PCDHGA12: variants seen among roughly 807,000 people sequenced by gnomAD.
The protein encoded by PCDHGA12 is protocadherin gamma subfamily A, 12.
A neutral mutation model predicts 61.1 loss-of-function variants in PCDHGA12; 43 were observed. That is an observed-to-expected ratio of 0.70 (90% CI 0.55 to 0.91). PCDHGA12 has a LOEUF of 0.91. Ranked by LOEUF, PCDHGA12 falls within the 40% of genes least tolerant of loss-of-function variation. The pLI, the probability that PCDHGA12 is intolerant of heterozygous loss-of-function variation, is 0.00. For missense variants in PCDHGA12, 1,236 were observed against 1,227.7 expected (o/e 1.01, Z -0.10); for synonymous variants, 520 against 542.9 (o/e 0.96, Z 0.59).
chr5:141,450,278 G>C (rs977381598), intron 1 of PCDHGA12, among the ~76,000 whole-genome samples: 1 of 152,026 alleles, frequency 6.6e-6, no homozygotes, highest in African/African-American at 2.4e-5. Flanking sequence ...TCAGCTAAGT[G>C]CTGGGATTAC....
At chr5:141,464,976 A>G (rs2154568682) in intron 1 of PCDHGA12, among the ~76,000 whole-genome samples, 1 of 152,214 alleles carries the variant, frequency 6.6e-6, no homozygotes, top group East Asian at 1.9e-4. Flanking sequence ...TACTGGCTTC[A>G]AGTGATCCTC....
At position 141,485,129 on chromosome 5, in the gene PCDHGA12, T is replaced by G. The variant is rs761201450; in HGVS notation, c.2425-9678T>G. 2.1e-6 allele frequency: 3 copies of G among 1,462,964 alleles called. No individual in the cohort carries two copies. Among genetic ancestry groups the G allele is most frequent in the Non-Finnish European group, 2.8e-6 (3 of 1,053,766 alleles). 90.6% of individuals were successfully genotyped at this position (1,462,964 alleles called of 1,614,324 possible). A position where few individuals can be genotyped will look rare whatever the true frequency, so the allele number is the denominator to read the frequency against. On this transcript the variant is annotated intron_variant, in intron 1 of 3. Coordinates refer to ENST00000252085, the MANE Select transcript of PCDHGA12 (RefSeq NM_003735.3). The surrounding 1 kb of genome is among the most constrained non-coding windows in gnomAD (Gnocchi z 5.7). ...TGTGGCTGTTTGGGGCGGGTCGGCT[T>G]CATCCGCGTCTCAGGAGCAAGTAGA...
chr5:141,490,321 G>C lies in PCDHGA12; in HGVS notation c.2425-4486G>C. On this transcript the variant is annotated intron_variant, in intron 1 of 3. Coordinates refer to ENST00000252085, the MANE Select transcript of PCDHGA12 (RefSeq NM_003735.3). The surrounding 1 kb of genome is among the most constrained non-coding windows in gnomAD (Gnocchi z 5.4). ...GGCCTCTTTGGCCAACCCTGTCCTA[G>C]AGAGCACACCAGTGGGCACAGTAGT... 1.2e-6 allele frequency: 2 copies of C among 1,614,220 alleles called. No homozygotes were observed. The highest frequency in any genetic ancestry group is 1.7e-6 in the Non-Finnish European group (2 of 1,180,044).
At chr5:141,471,942 A>G (rs1163887457) in intron 1 of PCDHGA12, among the ~76,000 whole-genome samples, 1 of 152,192 alleles carries the variant, frequency 6.6e-6, no homozygotes, top group Non-Finnish European at 1.5e-5. Flanking sequence ...AGAGTTTTCT[A>G]AAACTGGATT....
At chr5:141,478,870 G>A (rs1463992722) in intron 1 of PCDHGA12, 6 of 1,273,242 alleles carry the variant, frequency 4.7e-6, no homozygotes, top group Non-Finnish European at 5.2e-6. Flanking sequence ...AGCGATCAGA[G>A]TTTAGCTTGG....
chr5:141,472,733 C>T (rs1450872513), intron 1 of PCDHGA12, among the ~76,000 whole-genome samples: 2 of 151,996 alleles, frequency 1.3e-5, no homozygotes, highest in Non-Finnish European at 2.9e-5. Context: ...CACCTGTAAT[C>T]CCAGCACTTT....
intron 1 of PCDHGA12, among the ~76,000 whole-genome samples, chr5:141,461,415 T>C (rs2099015091): frequency 6.6e-6 from 1 of 152,152 alleles, no homozygotes; most frequent in Non-Finnish European, 1.5e-5. Flanking sequence ...TTTCATATGT[T>C]TGTGGGCCAT....
chr5:141,459,068 A>G (rs1278498678), intron 1 of PCDHGA12, among the ~76,000 whole-genome samples: 1 of 152,226 alleles, frequency 6.6e-6, no homozygotes, highest in African/African-American at 2.4e-5. Flanking sequence ...TATATAACAT[A>G]AAATTTGCCT....
chr5:141,474,169 T>C (rs1268235616), intron 1 of PCDHGA12, among the ~76,000 whole-genome samples: 2 of 152,232 alleles, frequency 1.3e-5, no homozygotes, highest in Non-Finnish European at 2.9e-5. Context: ...GGCCTTATTA[T>C]TGAGAAAACT....
At chr5:141,452,161 A>G (rs559274240) in intron 1 of PCDHGA12, among the ~76,000 whole-genome samples, 1 of 152,204 alleles carries the variant, frequency 6.6e-6, no homozygotes, top group South Asian at 2.1e-4. Context: ...GTTATATTCT[A>G]TTACTAACAT....
At position 141,476,580 on chromosome 5, in the gene PCDHGA12, C is replaced by T. The variant is rs1463314107; in HGVS notation, c.2425-18227C>T. 6 of 1,614,126 alleles carry T rather than the reference C, an allele frequency of 3.7e-6. No homozygotes were observed. Among genetic ancestry groups the T allele is most frequent in the Non-Finnish European group, 5.1e-6 (6 of 1,180,052 alleles). The stretch of plus-strand genomic sequence containing the variant: ...GCCGTGGCTCCGGGGACGCGCTTTC[C>T]GCTCGAGAGCGCGCACGATCCCGAT... On this transcript the variant is annotated intron_variant, in intron 1 of 3. Transcript: ENST00000252085. This position sits in a 1 kb window ranked among gnomAD's most constrained non-coding sequence, Gnocchi z 7.6.
chr5:141,445,433 C>A (rs2098466883), intron 1 of PCDHGA12, among the ~76,000 whole-genome samples: 1 of 152,136 alleles, frequency 6.6e-6, no homozygotes, highest in Non-Finnish European at 1.5e-5. Flanking sequence ...AAGGCACTGA[C>A]CTATGGACTA....
At chr5:141,481,229 A>T (rs989963485) in intron 1 of PCDHGA12, among the ~76,000 whole-genome samples, 1 of 152,212 alleles carries the variant, frequency 6.6e-6, no homozygotes, top group Non-Finnish European at 1.5e-5. Flanking sequence ...TCCCAGCCTT[A>T]AAGTATTACA....
intron 1 of PCDHGA12, among the ~76,000 whole-genome samples, chr5:141,449,909 A>G (rs2098658849): frequency 6.6e-6 from 1 of 151,828 alleles, no homozygotes; most frequent in Non-Finnish European, 1.5e-5. Context: ...TATAGTCCAT[A>G]TTTAAATTCT....
In PCDHGA12 at chr5:141,432,017, A is replaced by G. The variant is rs372826902; in HGVS notation, c.1258A>G (p.Ile420Val). The stretch of plus-strand genomic sequence containing the variant: ...TAGGGAACAGGTTCCTAGCTACAAC[A>G]TCACAGTGACCGCCACTGACCGGGG... ...LDREQVPSYN[I>V]TVTATDRGTP... Residue 420 changes from isoleucine (I) to valine (V), a missense_variant, in exon 1 of 4, where the codon ATC becomes GTC. Coordinates refer to ENST00000252085, the MANE Select transcript of PCDHGA12 (RefSeq NM_003735.3). This position sits in a 1 kb window ranked among gnomAD's most constrained non-coding sequence, Gnocchi z 6.0. The G allele has an allele frequency of 6.2e-7, 1 of 1,614,224 alleles. No individual in the cohort carries two copies. Among genetic ancestry groups the G allele is most frequent in the Non-Finnish European group, 8.5e-7 (1 of 1,180,038 alleles).
In PCDHGA12 at chr5:141,494,676, C is replaced by T. The variant is rs2099755997; in HGVS notation, c.2425-131C>T. On this transcript the variant is annotated intron_variant, in intron 1 of 3. Transcript: ENST00000252085. ...TTTGTCTTTGGAGATGAGTCCACCCCTGCCCCCTCTTAGTCCGTTTTCTTC... is the reference window on the plus strand; with the variant it reads ...TTTGTCTTTGGAGATGAGTCCACCCTTGCCCCCTCTTAGTCCGTTTTCTTC... 1.7e-5 allele frequency: 26 copies of T among 1,550,800 alleles called. No individual in the cohort carries two copies. In the South Asian group the frequency reaches 3.0e-4, roughly 18 times the overall value.
intron 1 of PCDHGA12, among the ~76,000 whole-genome samples, chr5:141,433,837 C>CA (rs56191208): frequency 0.14 from 15,134 of 111,544 alleles, 1,164 homozygotes; most frequent in African/African-American, 0.25. Context: ...AACTCTATCT[C>CA]AAAAAAAAAA....
At position 141,510,984 on chromosome 5, in the gene PCDHGA12, C is replaced by T. The variant is rs375865663; in HGVS notation, c.2610C>T (p.Ala870=). The change falls in exon 4 of 4, where the codon GCC becomes GCT. Residue 870 remains alanine (A), a synonymous_variant. Coordinates refer to ENST00000252085, the MANE Select transcript of PCDHGA12 (RefSeq NM_003735.3). ...GGAGCTCCACCCTGGGAGGGGGTGC[C>T]GGCACCATGGGATTGAGCGCCCGCT... The part of the protein sequence containing the change: ...ADGSSTLGGG[A]GTMGLSARYG... 20 of 1,614,044 alleles carry T rather than the reference C, an allele frequency of 1.2e-5. No homozygotes were observed. The East Asian group carries it at 1.6e-4, about 13-fold the overall frequency.
chr5:141,478,100 C>T, intron 1 of PCDHGA12: 1 of 1,614,124 alleles, frequency 6.2e-7, no homozygotes, highest in Non-Finnish European at 8.5e-7. Context: ...CACTGCTACC[C>T]TCACTGTGTC....
Sources: gnomAD v4.1 joint callset for allele counts (sites outside exome capture counted in the v4.1 genomes callset) on GRCh38, gnomAD v4.1.1 for gene constraint, Gnocchi (gnomAD v3.1) non-coding constraint, MANE v1.5 for transcripts, NCBI Gene and HGNC (gene_info 2026-07-23, HGNC 2026-07-21) for gene names.